The following FBRSL1 variants were observed in gnomAD, a reference collection of about 807,000 sequenced individuals.
FBRSL1 encodes fibrosin-1-like protein.
FBRSL1 carries 51 observed loss-of-function variants against 89.6 expected under a neutral mutation model. That is an observed-to-expected ratio of 0.57 (90% CI 0.45 to 0.72). The LOEUF (loss-of-function observed/expected upper bound fraction) is 0.72, where lower values mean the gene tolerates loss of function less well. Ranked by LOEUF, FBRSL1 falls within the 30% of genes least tolerant of loss-of-function variation. The pLI is 0.00. For missense variants in FBRSL1, 1,618 were observed against 1,451.8 expected, an observed-to-expected ratio of 1.11 and a Z score of -1.86; for synonymous variants, 779 against 681.1, an observed-to-expected ratio of 1.14 and a Z score of -2.24.
intron 1 of FBRSL1, chr12:132,507,157 G>T (rs2136548373): frequency 1.2e-6 from 1 of 854,372 alleles, no homozygotes. Context: ...GGCCCTCCGT[G>T]GGGGCGGATC....
intron 1 of FBRSL1, among the ~76,000 whole-genome samples, chr12:132,492,816 G>A (rs1423572281): frequency 6.6e-6 from 1 of 152,256 alleles, no homozygotes; most frequent in Non-Finnish European, 1.5e-5. Flanking sequence ...TTCGGAGCCT[G>A]CCTGGGAAAG....
At chr12:132,530,726 T>TG (rs1334049339) in intron 4 of FBRSL1, among the ~76,000 whole-genome samples, 2 of 6,984 alleles carry the variant, frequency 2.9e-4, no homozygotes, top group Non-Finnish European at 5.9e-4. Flanking sequence ...GGGGTGGGGC[T>TG]GGGGGGTGGG....
At chr12:132,500,332 T>G (rs1434188009) in intron 1 of FBRSL1, among the ~76,000 whole-genome samples, 1 of 152,136 alleles carries the variant, frequency 6.6e-6, no homozygotes, top group African/African-American at 2.4e-5. Flanking sequence ...ATGCTGCACA[T>G]GAGGAACCTG....
intron 2 of FBRSL1, among the ~76,000 whole-genome samples, chr12:132,523,560 G>A (rs2035543935): frequency 6.6e-6 from 1 of 152,158 alleles, no homozygotes; most frequent in Non-Finnish European, 1.5e-5. Context: ...AGCTGTGTGG[G>A]TGTTTCCGAC....
At chr12:132,509,111 GT>G in intron 2 of FBRSL1, 1 of 1,187,896 alleles carries the variant, frequency 8.4e-7, no homozygotes, top group East Asian at 3.2e-5. Context: ...CTGGACGGGG[GT>G]TCCGCGGGCG....
intron 5 of FBRSL1, among the ~76,000 whole-genome samples, chr12:132,550,485 G>T (rs778163099): frequency 2.0e-5 from 3 of 152,160 alleles, no homozygotes; most frequent in Admixed American, 6.5e-5. Context: ...GGCAGCTCCC[G>T]GAGGCTGCTC....
intron 4 of FBRSL1, among the ~76,000 whole-genome samples, chr12:132,533,250 CTCTCCCTGG>C (rs2036450163): frequency 7.1e-6 from 1 of 140,956 alleles, no homozygotes; most frequent in Non-Finnish European, 1.5e-5. Flanking sequence ...CCGACCCAGC[CTCTCCCTGG>C]AGTCAGAGAG....
At chr12:132,520,066 C>T (rs1412591083) in intron 2 of FBRSL1, among the ~76,000 whole-genome samples, 1 of 151,766 alleles carries the variant, frequency 6.6e-6, no homozygotes, top group East Asian at 1.9e-4. Context: ...CCTCGCACTC[C>T]TCCAGCACCC....
intron 14 of FBRSL1, among the ~76,000 whole-genome samples, chr12:132,576,224 G>C (rs1417806722): frequency 2.3e-5 from 3 of 127,940 alleles, no homozygotes; most frequent in African/African-American, 9.5e-5. Flanking sequence ...ATAGAGTCTC[G>C]CTCTGTCACC....
At chr12:132,545,596 C>G (rs2037622971) in intron 4 of FBRSL1, among the ~76,000 whole-genome samples, 2 of 152,210 alleles carry the variant, frequency 1.3e-5, no homozygotes, top group Non-Finnish European at 2.9e-5. Context: ...AGCCACAGAC[C>G]TGAAACCCAC....
intron 15 of FBRSL1, among the ~76,000 whole-genome samples, chr12:132,580,339 C>T (rs1324695407): frequency 3.9e-5 from 6 of 152,186 alleles, no homozygotes; most frequent in East Asian, 1.9e-4. Flanking sequence ...CCTCCTGCCT[C>T]GGCCTCCCAA....
intron 2 of FBRSL1, among the ~76,000 whole-genome samples, chr12:132,512,724 A>G (rs1178284054): frequency 6.6e-6 from 1 of 152,186 alleles, no homozygotes; most frequent in African/African-American, 2.4e-5. Context: ...GGGGCCATCC[A>G]TGCTGGAGCT....
At position 132,562,118 on chromosome 12, in the gene FBRSL1, G is replaced by A. The variant is rs537851971; in HGVS notation, c.646-5363G>A. 3.9e-5 allele frequency among the ~76,000 whole-genome samples: 6 copies of A among 152,302 alleles called. No homozygotes were observed. The East Asian group carries it at 1.2e-3, about 29-fold the overall frequency. On this transcript the variant is annotated intron_variant, in intron 5 of 18. Coordinates refer to ENST00000680143, the MANE Select transcript of FBRSL1 (RefSeq NM_001367871.1). ...CCTTCCTGTTTCCGATGCTGGGATG[G>A]TCACTGCGTAGCCTGGGTCACCGGC...
Position 132,525,756 on chromosome 12 carries a change from G to C in FBRSL1, c.512G>C (p.Gly171Ala), listed in dbSNP as rs2035737497. The C allele has an allele frequency of 6.5e-7, 1 of 1,549,828 alleles. No homozygotes were observed. The highest frequency in any genetic ancestry group is 2.0e-5 in the Admixed American group (1 of 50,996). The change falls in exon 3 of 19, where the codon GGG (glycine) becomes GCG (alanine). Residue 171 changes from glycine (G) to alanine (A), a missense_variant. Gly to Ala is a moderately conservative substitution (Grantham distance 60). Coordinates refer to ENST00000680143, the MANE Select transcript of FBRSL1 (RefSeq NM_001367871.1). ...SKQMKVTVSK[G>A]GDRDSDDDSV... Reference sequence around the variant, plus strand: ...CAGATGAAGGTCACCGTGTCCAAAGGGGGCGACCGGGACAGTGACGACGAC... The same window carrying C: ...CAGATGAAGGTCACCGTGTCCAAAGCGGGCGACCGGGACAGTGACGACGAC...
intron 4 of FBRSL1, among the ~76,000 whole-genome samples, chr12:132,535,135 A>G (rs1381690519): frequency 6.6e-6 from 1 of 152,246 alleles, no homozygotes; most frequent in East Asian, 1.9e-4. Context: ...GGGGTTAGGA[A>G]TTAATGTTAA....
At chr12:132,574,613 C>A in intron 14 of FBRSL1, 49 bp downstream of exon 14, 1 of 1,531,876 alleles carries the variant, frequency 6.5e-7, no homozygotes, top group Non-Finnish European at 8.8e-7. Flanking sequence ...CGACTCCAGC[C>A]TGGTCGGGCC....
intron 5 of FBRSL1, among the ~76,000 whole-genome samples, chr12:132,563,823 TGTGTGCACCCC>T (rs1566209888): frequency 4.4e-4 from 12 of 27,460 alleles, no homozygotes; most frequent in Non-Finnish European, 6.0e-4. Flanking sequence ...CCCCCGAGCT[TGTGTGCACCCC>T]CTGCACCCCT....
At chr12:132,549,318 C>T (rs961647583) in intron 5 of FBRSL1, among the ~76,000 whole-genome samples, 2 of 152,162 alleles carry the variant, frequency 1.3e-5, no homozygotes, top group African/African-American at 2.4e-5. Context: ...CTGTTGGGGA[C>T]GCGTCCTGGT....
intron 4 of FBRSL1, among the ~76,000 whole-genome samples, chr12:132,532,996 G>T (rs2036418419): frequency 1.3e-5 from 2 of 152,168 alleles, no homozygotes; most frequent in African/African-American, 4.8e-5. Flanking sequence ...TCATTACGGG[G>T]CTCCTTGGGC....
Sources: gnomAD v4.1 joint callset for allele counts (sites outside exome capture counted in the v4.1 genomes callset) on GRCh38, gnomAD v4.1.1 for gene constraint, MANE v1.5 for transcripts, NCBI Gene and HGNC (gene_info 2026-07-23, HGNC 2026-07-21) for gene names.